The following TRPM7 variants were observed in gnomAD, a reference collection of about 807,000 sequenced individuals.
TRPM7 encodes transient receptor potential cation channel subfamily M member 7.
A neutral mutation model predicts 229.7 loss-of-function variants in TRPM7; 134 were observed. That is an observed-to-expected ratio of 0.58 (90% CI 0.51 to 0.67). The LOEUF is 0.67. Ranked by LOEUF, TRPM7 falls within the 30% of genes least tolerant of loss-of-function variation. The probability of loss-of-function intolerance (pLI) is 0.00; values close to 1 mark genes in which losing one functional copy is unlikely to be tolerated. For synonymous variants in TRPM7, 699 were observed against 715.2 expected (o/e 0.98, Z 0.36); for missense variants, 1,901 against 2,210.0 (o/e 0.86, Z 2.80).
intron 6 of TRPM7, among the ~76,000 whole-genome samples, chr15:50,638,409 T>TGTA (rs1240417639): frequency 1.0e-5 from 1 of 98,042 alleles, no homozygotes; most frequent in East Asian, 3.5e-4. Flanking sequence ...ATTAGATGGG[T>TGTA]GTAGTGGTGG....
intron 22 of TRPM7, among the ~76,000 whole-genome samples, chr15:50,597,877 C>A (rs1287189201): frequency 6.6e-6 from 1 of 152,018 alleles, no homozygotes; most frequent in Admixed American, 6.6e-5. Context: ...CAAGACCACA[C>A]CACTGCACTC....
rs1343570806 is a variant in TRPM7 at position 50,583,118 on chromosome 15, C to G, written c.4528G>C (p.Glu1510Gln). The G allele has an allele frequency of 1.2e-6, 2 of 1,608,414 alleles. No homozygotes were observed. Among genetic ancestry groups the G allele is most frequent in the Non-Finnish European group, 8.5e-7 (1 of 1,178,028 alleles). ...SRRPSTEDTH[E>Q]VDSKAALIPD... Reference sequence around the variant, plus strand: ...ATTAAAGCTGCTTTGGAATCTACTTCATGAGTGTCTTCGGTAGATGGCCTT... The same window carrying G: ...ATTAAAGCTGCTTTGGAATCTACTTGATGAGTGTCTTCGGTAGATGGCCTT... Residue 1510 changes from glutamate (E) to glutamine (Q), a missense_variant, in exon 29 of 39, where the codon GAA (glutamate) becomes CAA (glutamine). Glu to Gln is a conservative substitution (Grantham distance 29). Transcript: ENST00000646667.
intron 10 of TRPM7, among the ~76,000 whole-genome samples, chr15:50,630,775 A>C (rs1232251563): frequency 6.6e-6 from 1 of 152,052 alleles, no homozygotes; most frequent in Admixed American, 6.6e-5. Flanking sequence ...GGGCTCAAGC[A>C]ATCCTCCCGC....
intron 21 of TRPM7, among the ~76,000 whole-genome samples, chr15:50,600,572 A>T (rs1181280299): frequency 6.6e-6 from 1 of 152,240 alleles, no homozygotes; most frequent in Non-Finnish European, 1.5e-5. Flanking sequence ...ATTTACAATA[A>T]ATCTGTACAT....
At chr15:50,615,163 C>CAAAAAAAA (rs71124383) in intron 13 of TRPM7, among the ~76,000 whole-genome samples, 1 of 94,582 alleles carries the variant, frequency 1.1e-5, no homozygotes, top group African/African-American at 4.4e-5. Flanking sequence ...GACTTTGTCT[C>CAAAAAAAA]AAAAAAAAAA....
At chr15:50,642,877 AAAT>A (rs2061144372) in intron 5 of TRPM7, among the ~76,000 whole-genome samples, 1 of 152,182 alleles carries the variant, frequency 6.6e-6, no homozygotes, top group Non-Finnish European at 1.5e-5. Flanking sequence ...TTTAAAGACA[AAAT>A]AATAACCAAA....
In TRPM7 at chr15:50,594,443, G is replaced by A. The variant is rs2059585369; in HGVS notation, c.3461C>T (p.Thr1154Ile). The change falls in exon 24 of 39, where the codon ACT becomes ATT. Residue 1154 changes from threonine to isoleucine, a missense_variant. Physicochemically the swap from Thr to Ile is moderately conservative, Grantham distance 89. This residue lies in a region of TRPM7 where 533 missense variants were observed against 497.1 expected (regional missense o/e 1.07). Coordinates refer to ENST00000646667, the MANE Select transcript of TRPM7 (RefSeq NM_017672.6). ...AGTTTACTTACTTGGTCCATCGGAAGTCTTATCTTTCTTTCTTCTCTTACA... is the reference window on the plus strand; with the variant it reads ...AGTTTACTTACTTGGTCCATCGGAAATCTTATCTTTCTTTCTTCTCTTACA... ...CICKRRKKDKTSDGPKLFLTE... is the reference protein window; with the variant it reads ...CICKRRKKDKISDGPKLFLTE... 1.2e-6 allele frequency: 2 copies of A among 1,610,236 alleles called. No individual in the cohort carries two copies. Among genetic ancestry groups the A allele is most frequent in the Non-Finnish European group, 1.7e-6 (2 of 1,178,864 alleles).
chr15:50,591,452 T>G (rs887551410), intron 26 of TRPM7, among the ~76,000 whole-genome samples: 1 of 151,992 alleles, frequency 6.6e-6, no homozygotes, highest in African/African-American at 2.4e-5. Context: ...ATATAACTCT[T>G]ATAGCCTAAT....
At chr15:50,602,251 G>T (rs2059801142) in intron 21 of TRPM7, among the ~76,000 whole-genome samples, 1 of 152,104 alleles carries the variant, frequency 6.6e-6, no homozygotes, top group South Asian at 2.1e-4. Flanking sequence ...GATGCAGCTG[G>T]AAACCATCAT....
In TRPM7 at chr15:50,568,513, A is replaced by T. The variant is rs1010331356; in HGVS notation, c.5467+1374T>A. Among the ~76,000 whole-genome samples, 8 of 152,180 alleles carry T rather than the reference A, an allele frequency of 5.3e-5. No individual in the cohort carries two copies. In the South Asian group the frequency reaches 8.3e-4, roughly 16 times the overall value. ...TTTTAAAAACTAGTACCATTTACAT[A>T]CCTAATAATGCTTATTATATGGCTG... On this transcript the variant is annotated intron_variant, in intron 38 of 38. Coordinates refer to ENST00000646667, the MANE Select transcript of TRPM7 (RefSeq NM_017672.6).
At chr15:50,610,615 G>A (rs1453044078) in intron 17 of TRPM7, among the ~76,000 whole-genome samples, 1 of 151,928 alleles carries the variant, frequency 6.6e-6, no homozygotes, top group Non-Finnish European at 1.5e-5. Flanking sequence ...AAAACCAAAG[G>A]TACATGCCAT....
chr15:50,659,209 A>G (rs187645489), intron 2 of TRPM7, among the ~76,000 whole-genome samples: 270 of 151,196 alleles, frequency 1.8e-3, no homozygotes, highest in African/African-American at 6.2e-3. Context: ...AAAAAAAAAG[A>G]AAGAACAAAC....
chr15:50,601,634 T>TC (rs1278994802), intron 21 of TRPM7, among the ~76,000 whole-genome samples: 2 of 152,054 alleles, frequency 1.3e-5, no homozygotes, highest in African/African-American at 4.8e-5. Context: ...ACAGCGAGAC[T>TC]CCATCTTAAA....
At chr15:50,680,537 C>G (rs1033942478) in intron 1 of TRPM7, among the ~76,000 whole-genome samples, 6 of 150,684 alleles carry the variant, frequency 4.0e-5, no homozygotes, top group African/African-American at 1.5e-4. Flanking sequence ...CCACTGAACT[C>G]TAGCCTAATT....
At chr15:50,648,927 AGAGT>A (rs1185819632) in intron 3 of TRPM7, 42 bp from the exon 4 acceptor site, 2 of 1,499,626 alleles carry the variant, frequency 1.3e-6, no homozygotes, top group East Asian at 2.4e-5. Flanking sequence ...TCAAAAAATT[AGAGT>A]TAATGAAAAA....
intron 3 of TRPM7, among the ~76,000 whole-genome samples, chr15:50,651,142 G>C (rs1453992547): frequency 6.6e-6 from 1 of 152,132 alleles, no homozygotes; most frequent in Non-Finnish European, 1.5e-5. Context: ...AACTGATATG[G>C]TGCCACTGCA....
At chr15:50,680,005 G>GT (rs35400339) in intron 1 of TRPM7, among the ~76,000 whole-genome samples, 11,807 of 152,078 alleles carry the variant, frequency 0.078, 567 homozygotes, top group South Asian at 0.12. Flanking sequence ...GGGCCAAGGT[G>GT]GGTGGATCAC....
intron 7 of TRPM7, among the ~76,000 whole-genome samples, chr15:50,636,121 A>G (rs907921715): frequency 6.6e-6 from 1 of 152,012 alleles, no homozygotes; most frequent in Non-Finnish European, 1.5e-5. Flanking sequence ...TGCTTTTACA[A>G]TAACTTGCGG....
chr15:50,631,224 A>G (rs1299946843), intron 10 of TRPM7, among the ~76,000 whole-genome samples, 193 bp downstream of exon 10: 1 of 152,212 alleles, frequency 6.6e-6, no homozygotes, highest in East Asian at 1.9e-4. Context: ...GATTAAATTA[A>G]AAGTTACCTT....
Sources: allele counts gnomAD v4.1 joint callset (sites outside exome capture counted in the v4.1 genomes callset), GRCh38; gene constraint gnomAD v4.1.1; regional missense constraint gnomAD v4.1.1; transcripts MANE v1.5; gene names NCBI Gene and HGNC (gene_info 2026-07-23, HGNC 2026-07-21).